COLGALT2: variants seen among roughly 807,000 people sequenced by gnomAD.
The protein encoded by COLGALT2 is procollagen galactosyltransferase 2.
In COLGALT2, 49 loss-of-function variants were observed where a neutral mutation model predicts 73.4. The observed-to-expected ratio is 0.67, with a 90% CI of 0.53 to 0.85. The LOEUF is 0.85. Among genes scored for constraint, COLGALT2 ranks in the 40% least tolerant of loss-of-function variants. The pLI, the probability that COLGALT2 is intolerant of heterozygous loss-of-function variation, is 0.00. For missense variants in COLGALT2, 722 were observed against 790.2 expected, an observed-to-expected ratio of 0.91 and a Z score of 1.03; for synonymous variants, 295 against 307.6, an observed-to-expected ratio of 0.96 and a Z score of 0.43.
intron 1 of COLGALT2, among the ~76,000 whole-genome samples, chr1:184,011,788 G>A (rs1648807718): frequency 6.6e-6 from 1 of 152,192 alleles, no homozygotes; most frequent in Admixed American, 6.5e-5. Context: ...GTAAGTGGGT[G>A]TCAATCTGGG....
intron 1 of COLGALT2, among the ~76,000 whole-genome samples, chr1:184,035,896 G>A (rs1649658652): frequency 6.6e-6 from 1 of 152,208 alleles, no homozygotes; most frequent in Non-Finnish European, 1.5e-5. Flanking sequence ...GCAGTGTACA[G>A]CACAGAGCTG....
intron 1 of COLGALT2, among the ~76,000 whole-genome samples, chr1:184,008,733 A>C (rs1672157609): frequency 6.6e-6 from 1 of 152,222 alleles, no homozygotes; most frequent in Admixed American, 6.5e-5. Flanking sequence ...CTGTCTCTAA[A>C]AAATACATTG....
In COLGALT2 at chr1:183,936,104, G is replaced by A. The variant is rs1321008608; in HGVS notation, c.*2657C>T. On this transcript the variant is annotated 3_prime_UTR_variant, in exon 12 of 12. Coordinates refer to ENST00000361927, the MANE Select transcript of COLGALT2 (RefSeq NM_015101.4). ...TGTCTGTCCAGAAGATCCCACGTTA[G>A]ATCCCAAGAGAAATCCAGACAGGGT... The A allele has an allele frequency of 1.0e-6, 1 of 985,514 alleles. No homozygotes were observed. Among genetic ancestry groups the A allele is most frequent in the African/African-American group, 1.7e-5 (1 of 57,252 alleles). The allele number at this position is 985,514 out of a possible 1,614,324, so 61.0% of individuals were successfully genotyped here.
intron 1 of COLGALT2, among the ~76,000 whole-genome samples, chr1:184,034,082 A>G (rs1286551637): frequency 6.6e-6 from 1 of 152,132 alleles, no homozygotes; most frequent in Admixed American, 6.5e-5. Context: ...TAACATCCTA[A>G]ACTGAGGTAC....
intron 11 of COLGALT2, among the ~76,000 whole-genome samples, chr1:183,940,314 G>T (rs111853973): frequency 2.6e-5 from 4 of 152,284 alleles, no homozygotes; most frequent in African/African-American, 9.6e-5. Context: ...GCAAAGACAA[G>T]GAGGGGACCA....
intron 1 of COLGALT2, among the ~76,000 whole-genome samples, chr1:184,034,702 T>A (rs1184527561): frequency 6.6e-6 from 1 of 152,218 alleles, no homozygotes; most frequent in African/African-American, 2.4e-5. Flanking sequence ...TTTTGAAGCT[T>A]AAACCAGAAA....
intron 1 of COLGALT2, among the ~76,000 whole-genome samples, chr1:183,984,460 T>C (rs1401677630): frequency 6.6e-6 from 1 of 152,144 alleles, no homozygotes; most frequent in Non-Finnish European, 1.5e-5. Flanking sequence ...TCTTGAGCTG[T>C]TTTTAATTTT....
rs1670229447 is a variant in COLGALT2, at chr1:183,945,625, GAGAA to G, written c.1137-65_1137-62del. Reference sequence around the variant, plus strand: ...TCAAAGGTCCCCACCACAAAGGCCAGAGAAAGAGAGAGTTAGTTCTGCAAACACC... The same window carrying G: ...TCAAAGGTCCCCACCACAAAGGCCAGAGAGAGAGTTAGTTCTGCAAACACC... On this transcript the variant is annotated intron_variant, in intron 8 of 11. Transcript: ENST00000361927. 7 of 1,588,636 alleles carry G rather than the reference GAGAA, an allele frequency of 4.4e-6. No individual in the cohort carries two copies. In the Admixed American group the frequency reaches 1.2e-4, roughly 27 times the overall value.
chr1:184,000,523 T>C (rs968389703), intron 1 of COLGALT2, among the ~76,000 whole-genome samples: 2 of 126,696 alleles, frequency 1.6e-5, no homozygotes, highest in African/African-American at 6.5e-5. Context: ...TTACGTCATA[T>C]TTTAGTTTTA....
intron 11 of COLGALT2, among the ~76,000 whole-genome samples, chr1:183,939,342 A>G (rs1239730841): frequency 6.6e-6 from 1 of 152,246 alleles, no homozygotes; most frequent in Non-Finnish European, 1.5e-5. Flanking sequence ...TGATAAATAA[A>G]TACGATCACT....
Position 183,937,641 on chromosome 1 carries a change from A to G in COLGALT2, c.*1120T>C. On this transcript the variant is annotated 3_prime_UTR_variant, in exon 12 of 12. Coordinates refer to ENST00000361927, the MANE Select transcript of COLGALT2 (RefSeq NM_015101.4). Reference sequence around the variant, plus strand: ...CCACAAGAGCCTGGCTGGGAAATTCAGGAGAATCAGATTGCCGAACCAATG... The same window carrying G: ...CCACAAGAGCCTGGCTGGGAAATTCGGGAGAATCAGATTGCCGAACCAATG... 4.1e-6 allele frequency: 4 copies of G among 985,448 alleles called. No individual in the cohort carries two copies. The highest frequency in any genetic ancestry group is 4.7e-5 in the South Asian group (1 of 21,284). The allele number at this position is 985,448 out of a possible 1,614,324, so 61.0% of individuals were successfully genotyped here. A position where few individuals can be genotyped will look rare whatever the true frequency, so the allele number is the denominator to read the frequency against.
intron 7 of COLGALT2, 92 bp downstream of exon 7, chr1:183,954,670 C>G: frequency 1.0e-6 from 1 of 972,160 alleles, no homozygotes; most frequent in Non-Finnish European, 1.6e-6. Flanking sequence ...GTCTTGCTGG[C>G]TCTCAGATGC....
At chr1:184,030,642 G>T (rs1274560008) in intron 1 of COLGALT2, among the ~76,000 whole-genome samples, 1 of 152,080 alleles carries the variant, frequency 6.6e-6, no homozygotes, top group African/African-American at 2.4e-5. Flanking sequence ...TCATTCCTAT[G>T]ACCACCAGAA....
At chr1:184,009,217 C>T (rs1672169133) in intron 1 of COLGALT2, among the ~76,000 whole-genome samples, 1 of 152,148 alleles carries the variant, frequency 6.6e-6, no homozygotes, top group African/African-American at 2.4e-5. Context: ...AAGTCAAGAT[C>T]AGAGAGGCAG....
intron 1 of COLGALT2, among the ~76,000 whole-genome samples, chr1:183,981,199 T>C (rs1249144784): frequency 6.6e-6 from 1 of 152,124 alleles, no homozygotes; most frequent in Non-Finnish European, 1.5e-5. Context: ...GTATCTAAAA[T>C]GAAAGTTGAA....
intron 1 of COLGALT2, among the ~76,000 whole-genome samples, chr1:184,000,025 A>G (rs1166271540): frequency 6.6e-6 from 1 of 150,964 alleles, no homozygotes; most frequent in Non-Finnish European, 1.5e-5. Context: ...ATTTAGTAAA[A>G]TAAAAGTCAA....
At chr1:183,994,823 T>C (rs58035534) in intron 1 of COLGALT2, among the ~76,000 whole-genome samples, 4,156 of 152,278 alleles carry the variant, frequency 0.027, 189 homozygotes, top group African/African-American at 0.09. Flanking sequence ...TAAGGTCTTA[T>C]GGGGAGTAAT....
chr1:183,957,010 C>T lies in COLGALT2; in HGVS notation c.953-2172G>A, dbSNP rs1670571082. On this transcript the variant is annotated intron_variant, in intron 6 of 11. Coordinates refer to ENST00000361927, the MANE Select transcript of COLGALT2 (RefSeq NM_015101.4). ...AATTGATCTGGTCTCTCATTAAATCCCTTCCTGGAAATAATCCTTCCCTGT... is the reference window on the plus strand; with the variant it reads ...AATTGATCTGGTCTCTCATTAAATCTCTTCCTGGAAATAATCCTTCCCTGT... Among the ~76,000 whole-genome samples the T allele has an allele frequency of 1.3e-5, 2 of 152,088 alleles. 1 individual carries two copies. The highest frequency in any genetic ancestry group is 2.9e-5 in the Non-Finnish European group (2 of 68,020).
chr1:184,021,082 C>T (rs1649165975), intron 1 of COLGALT2, among the ~76,000 whole-genome samples: 1 of 152,046 alleles, frequency 6.6e-6, no homozygotes, highest in Non-Finnish European at 1.5e-5. Flanking sequence ...CAGCATGGCA[C>T]GAGACTATAG....
Sources: gnomAD v4.1 joint callset for allele counts (sites outside exome capture counted in the v4.1 genomes callset) on GRCh38, gnomAD v4.1.1 for gene constraint, MANE v1.5 for transcripts, NCBI Gene and HGNC (gene_info 2026-07-23, HGNC 2026-07-21) for gene names.